GLG1: variants seen among roughly 807,000 people sequenced by gnomAD.
GLG1 encodes Golgi apparatus protein 1.
Under a neutral mutation model 160.5 loss-of-function variants are expected in GLG1, and 38 were observed. The observed-to-expected ratio is 0.24, with a 90% confidence interval of 0.18 to 0.31. The LOEUF (loss-of-function observed/expected upper bound fraction) is 0.31, where lower values mean the gene tolerates loss of function less well. GLG1 is among the 10% of genes least tolerant of loss of function. GLG1 has a pLI of 1.00. For synonymous variants in GLG1, 644 were observed against 543.4 expected (o/e 1.19, Z -2.57); for missense variants, 1,373 against 1,505.2 (o/e 0.91, Z 1.45).
rs34125450 is a variant in GLG1 at position 74,479,051 on chromosome 16, CAAAAAAAAAAA to C, written c.1827+1179_1827+1189del. Among the ~76,000 whole-genome samples, 91 of 17,584 alleles carry C rather than the reference CAAAAAAAAAAA, an allele frequency of 5.2e-3. 3 individuals carry two copies. Among genetic ancestry groups the C allele is most frequent in the African/African-American group, 0.024 (77 of 3,236 alleles). The allele number at this position is 17,584 out of a possible 152,430, so 11.5% of individuals were successfully genotyped here. On this transcript the variant is annotated intron_variant, in intron 11 of 25. Coordinates refer to ENST00000422840, the MANE Select transcript of GLG1 (RefSeq NM_001145667.2). ...AGAAACCCCGTCTCTATTAAAAATC[CAAAAAAAAAAA>C]AAAAAAAAAAAAAAAAGCCAGGCAT... is the stretch of plus-strand genomic sequence containing the variant.
intron 2 of GLG1, among the ~76,000 whole-genome samples, chr16:74,527,758 G>C (rs562410175): frequency 1.3e-5 from 2 of 151,834 alleles, no homozygotes; most frequent in African/African-American, 4.8e-5. Flanking sequence ...ATAGAGTCTT[G>C]CTCTGTCGGC....
chr16:74,488,894 C>T (rs12716767), intron 8 of GLG1, among the ~76,000 whole-genome samples: 143,746 of 152,156 alleles, frequency 0.94, 68,107 homozygotes, highest in East Asian at 1. Context: ...TCTGGGATTA[C>T]AGGTGTGAGC....
At chr16:74,557,602 T>C (rs1354643457) in intron 1 of GLG1, among the ~76,000 whole-genome samples, 1 of 152,050 alleles carries the variant, frequency 6.6e-6, no homozygotes, top group Non-Finnish European at 1.5e-5. Context: ...AAAGCCTGAG[T>C]CAGGAGCTCT....
intron 2 of GLG1, among the ~76,000 whole-genome samples, chr16:74,512,301 G>C (rs2016837604): frequency 6.6e-6 from 1 of 151,172 alleles, no homozygotes; most frequent in South Asian, 2.1e-4. Context: ...TTTTTGCCCA[G>C]GCTAGAAGTA....
At chr16:74,532,672 A>G (rs1220930608) in intron 1 of GLG1, among the ~76,000 whole-genome samples, 1 of 151,844 alleles carries the variant, frequency 6.6e-6, no homozygotes, top group Non-Finnish European at 1.5e-5. Context: ...TACAGGCGCA[A>G]TGTCACCAAG....
At chr16:74,579,365 G>A (rs1683546626) in intron 1 of GLG1, among the ~76,000 whole-genome samples, 1 of 14,148 alleles carries the variant, frequency 7.1e-5, no homozygotes, top group Non-Finnish European at 1.1e-4. Context: ...GCAGTGAGCC[G>A]TGATTGTGCC....
In GLG1 at chr16:74,459,797, G is replaced by A; in HGVS notation, c.3037-8C>T. Reference sequence around the variant, plus strand: ...AGCACATAGACTGGAGATCTGTTCAGGAGACACAAAAAACAAAGCTACCCC... The same window carrying A: ...AGCACATAGACTGGAGATCTGTTCAAGAGACACAAAAAACAAAGCTACCCC... On this transcript the variant is annotated splice_polypyrimidine_tract_variant and splice_region_variant and intron_variant, in intron 22 of 25. Coordinates refer to ENST00000422840, the MANE Select transcript of GLG1 (RefSeq NM_001145667.2). The A allele has an allele frequency of 6.7e-7, 1 of 1,487,544 alleles. No homozygotes were observed. The highest frequency in any genetic ancestry group is 9.2e-7 in the Non-Finnish European group (1 of 1,084,422). 92.1% of individuals were successfully genotyped at this position (1,487,544 alleles called of 1,614,324 possible).
intron 1 of GLG1, among the ~76,000 whole-genome samples, chr16:74,595,292 C>T (rs1958272826): frequency 6.6e-6 from 1 of 151,902 alleles, no homozygotes. Context: ...AATCCCAGCA[C>T]TTTGGGAGGC....
intron 1 of GLG1, among the ~76,000 whole-genome samples, chr16:74,591,553 G>A (rs545717534): frequency 3.2e-4 from 49 of 152,048 alleles, no homozygotes; most frequent in Non-Finnish European, 5.1e-4. Flanking sequence ...GCCTGAACCC[G>A]GGAGGCGGAG....
At chr16:74,493,166 G>GT (rs2016064930) in intron 6 of GLG1, 26 bp from the exon 7 acceptor site, 4 of 1,538,782 alleles carry the variant, frequency 2.6e-6, no homozygotes, top group Admixed American at 3.6e-5. Flanking sequence ...AGCAACAGCC[G>GT]TGAGACCACT....
intron 2 of GLG1, among the ~76,000 whole-genome samples, chr16:74,526,118 T>A (rs1440481410): frequency 6.6e-6 from 1 of 152,174 alleles, no homozygotes; most frequent in African/African-American, 2.4e-5. Flanking sequence ...ATGAAAATAG[T>A]ATATAAGTAA....
At chr16:74,468,020 C>T in intron 17 of GLG1, 172 bp from the exon 18 acceptor site, 2 of 572,190 alleles carry the variant, frequency 3.5e-6, no homozygotes, top group Non-Finnish European at 6.2e-6. Flanking sequence ...CACCAAATAG[C>T]TGCATGGCCT....
chr16:74,504,428 T>C (rs549709959), intron 3 of GLG1, among the ~76,000 whole-genome samples: 2 of 152,130 alleles, frequency 1.3e-5, no homozygotes, highest in Non-Finnish European at 2.9e-5. Context: ...GCTAGGATTA[T>C]AGGAGCTCAC....
intron 20 of GLG1, 147 bp downstream of exon 20, chr16:74,463,209 A>G: frequency 1.4e-6 from 1 of 725,596 alleles, no homozygotes; most frequent in East Asian, 2.6e-5. Context: ...GATGCTCCTC[A>G]AAGGAGGAAG....
In GLG1 at chr16:74,449,400, C is replaced by G. The variant is rs2014199559; in HGVS notation, c.*3767G>C. On this transcript the variant is annotated 3_prime_UTR_variant, in exon 26 of 26. Transcript: ENST00000422840. ...CACTGACATAAGAACAGAATCTTCT[C>G]TTGGGAAGGCCAAGGGAAGTCAGCC... The G allele has an allele frequency of 6.6e-6, 1 of 152,192 alleles. No homozygotes were observed. Among genetic ancestry groups the G allele is most frequent in the South Asian group, 2.1e-4 (1 of 4,828 alleles). The allele number at this position is 152,192 out of a possible 1,614,324, so 9.4% of individuals were successfully genotyped here.
chr16:74,469,246 T>C, intron 16 of GLG1, 183 bp from the exon 17 acceptor site: 1 of 597,098 alleles, frequency 1.7e-6, no homozygotes, highest in Non-Finnish European at 3.0e-6. Context: ...GTGGGTGTCA[T>C]GAAAGGCAGG....
At chr16:74,454,864 C>T (rs2014471931) in intron 25 of GLG1, among the ~76,000 whole-genome samples, 1 of 151,088 alleles carries the variant, frequency 6.6e-6, no homozygotes, top group South Asian at 2.1e-4. Context: ...ACCATTATAT[C>T]ATAAGCATTT....
chr16:74,586,378 G>A (rs1010867472), intron 1 of GLG1, among the ~76,000 whole-genome samples: 2 of 152,002 alleles, frequency 1.3e-5, no homozygotes, highest in African/African-American at 4.8e-5. Flanking sequence ...ACTGGTAAAG[G>A]GCTTATTATT....
In GLG1 at chr16:74,464,929, G is replaced by A. The variant is rs1272944741; in HGVS notation, c.2667+747C>T. Among the ~76,000 whole-genome samples, 9 of 152,124 alleles carry A rather than the reference G, an allele frequency of 5.9e-5. No homozygotes were observed. The South Asian group carries it at 1.5e-3, about 25-fold the overall frequency. ...ATGACCTTGGCTCACTGCAGCCTGCGCCTCCCAGGAGCGATTCTCTTGCCT... is the reference window on the plus strand; with the variant it reads ...ATGACCTTGGCTCACTGCAGCCTGCACCTCCCAGGAGCGATTCTCTTGCCT... On this transcript the variant is annotated intron_variant, in intron 19 of 25. Coordinates refer to ENST00000422840, the MANE Select transcript of GLG1 (RefSeq NM_001145667.2).
Sources: allele counts gnomAD v4.1 joint callset (sites outside exome capture counted in the v4.1 genomes callset), GRCh38; gene constraint gnomAD v4.1.1; transcripts MANE v1.5; gene names NCBI Gene and HGNC (gene_info 2026-07-23, HGNC 2026-07-21).